PCDH11Y: variants seen among roughly 807,000 people sequenced by gnomAD.
PCDH11Y encodes protocadherin 11 Y-linked, also known as protocadherin-11 Y-linked.
For missense variants in PCDH11Y, 12 were observed against 224.8 expected, an observed-to-expected ratio of 0.05 and a Z score of 6.05; for synonymous variants, 9 against 83.6, an observed-to-expected ratio of 0.11 and a Z score of 4.87.
intron 4 of PCDH11Y, among the ~76,000 whole-genome samples, chrY:5,645,308 C>T (rs2053526461): frequency 3.0e-5 from 1 of 32,826 alleles, no homozygotes; most frequent in Admixed American, 2.8e-4. Flanking sequence ...TAATTCATCA[C>T]GGGAGATGTA....
chrY:5,090,390 C>T, intron 1 of PCDH11Y, among the ~76,000 whole-genome samples: 2 of 32,908 alleles, frequency 6.1e-5, no homozygotes, highest in Non-Finnish European at 1.5e-4. Flanking sequence ...AGAATAGTAA[C>T]GGTGAATTTT....
chrY:5,025,273 G>A (rs1602839270), intron 1 of PCDH11Y, among the ~76,000 whole-genome samples: 3 of 33,292 alleles, frequency 9.0e-5, no homozygotes, highest in Admixed American at 2.8e-4. Flanking sequence ...TGTCAGCATA[G>A]TAATTTGCAG....
intron 2 of PCDH11Y, among the ~76,000 whole-genome samples, chrY:5,124,139 G>A: frequency 3.0e-5 from 1 of 33,263 alleles, no homozygotes; most frequent in African/African-American, 1.2e-4. Flanking sequence ...CATATTTTTG[G>A]AGCAATGTTT....
intron 3 of PCDH11Y, among the ~76,000 whole-genome samples, chrY:5,036,348 T>C: frequency 3.2e-5 from 1 of 31,263 alleles, no homozygotes; most frequent in Admixed American, 3.0e-4. Context: ...GATATACAAA[T>C]ACCTTTGTTT....
At chrY:5,550,475 G>A in intron 3 of PCDH11Y, among the ~76,000 whole-genome samples, 1 of 33,194 alleles carries the variant, frequency 3.0e-5, no homozygotes, top group Non-Finnish European at 7.5e-5. Flanking sequence ...TTCTAGAGAT[G>A]TTGGTAAAAT....
chrY:5,560,666 G>A, intron 3 of PCDH11Y, among the ~76,000 whole-genome samples: 1 of 33,033 alleles, frequency 3.0e-5, no homozygotes, highest in East Asian at 8.3e-4. Flanking sequence ...TGTTGGGCCT[G>A]TGGGTGCATG....
At chrY:5,575,844 G>A in intron 3 of PCDH11Y, among the ~76,000 whole-genome samples, 2 of 32,519 alleles carry the variant, frequency 6.2e-5, no homozygotes, top group African/African-American at 2.4e-4. Flanking sequence ...AAAGGAACAC[G>A]CTTTACAAAT....
intron 2 of PCDH11Y, among the ~76,000 whole-genome samples, chrY:5,234,481 A>G (rs2052972608): frequency 3.2e-5 from 1 of 30,998 alleles, no homozygotes; most frequent in Non-Finnish European, 7.7e-5. Context: ...CCTGACCTCA[A>G]ATGATCTGCC....
chrY:5,586,518 T>G, intron 4 of PCDH11Y, among the ~76,000 whole-genome samples: 4 of 31,710 alleles, frequency 1.3e-4, no homozygotes, highest in African/African-American at 4.9e-4. Context: ...TTTTTTTGTT[T>G]GTTTTTTTTT....
Position 5,339,477 on chromosome Y carries a change from C to T in PCDH11Y, c.3130-161580C>T, listed in dbSNP as rs2124668613. On this transcript the variant is annotated intron_variant, in intron 2 of 4. Coordinates refer to the PCDH11Y transcript ENST00000400457. ...AGCGATTCTCCTGTCTCAGCCTCCCCGAGTAGCTGGGATTACAGGCCCCCG... is the reference window on the plus strand; with the variant it reads ...AGCGATTCTCCTGTCTCAGCCTCCCTGAGTAGCTGGGATTACAGGCCCCCG... 1.9e-4 allele frequency among the ~76,000 whole-genome samples: 6 copies of T among 32,217 alleles called. No individual in the cohort carries two copies. The East Asian group carries it at 3.2e-3, about 17-fold the overall frequency. The allele number at this position is 32,217 out of a possible 37,273, so 86.4% of individuals were successfully genotyped here. A position where few individuals can be genotyped will look rare whatever the true frequency, so the allele number is the denominator to read the frequency against.
intron 4 of PCDH11Y, among the ~76,000 whole-genome samples, chrY:5,666,222 A>G (rs2053544637): frequency 3.0e-5 from 1 of 33,156 alleles, no homozygotes; most frequent in Non-Finnish European, 7.4e-5. Flanking sequence ...GAGCACTAAG[A>G]TCATTCACTG....
upstream of PCDH11Y, among the ~76,000 whole-genome samples, chrY:5,055,899 C>G (rs2124627766): frequency 3.3e-5 from 1 of 30,702 alleles, no homozygotes; most frequent in African/African-American, 1.2e-4. Flanking sequence ...CCTTCTCAAG[C>G]TGTTCCTTGA....
intron 4 of PCDH11Y, among the ~76,000 whole-genome samples, chrY:5,678,367 C>G: frequency 3.2e-5 from 1 of 31,576 alleles, no homozygotes; most frequent in South Asian, 7.1e-4. Context: ...AAAGTGATGT[C>G]AAAAAAATCT....
intron 3 of PCDH11Y, among the ~76,000 whole-genome samples, chrY:5,522,571 T>C (rs2124690445): frequency 3.5e-4 from 12 of 33,904 alleles, no homozygotes; most frequent in Admixed American, 1.6e-3. Flanking sequence ...GTTGTCATAG[T>C]TCAGCAGAGG....
intron 2 of PCDH11Y, among the ~76,000 whole-genome samples, chrY:5,128,115 A>G: frequency 3.0e-5 from 1 of 32,873 alleles, no homozygotes; most frequent in African/African-American, 1.2e-4. Context: ...ATGGCTTTCT[A>G]TGTACATATA....
intron 3 of PCDH11Y, among the ~76,000 whole-genome samples, chrY:5,513,061 C>T: frequency 6.2e-5 from 2 of 32,218 alleles, no homozygotes; most frequent in Admixed American, 5.8e-4. Flanking sequence ...AACGGAGTCT[C>T]GTTCTGTTGC....
chrY:5,673,633 A>G (rs2124708720), intron 4 of PCDH11Y, among the ~76,000 whole-genome samples: 1 of 31,427 alleles, frequency 3.2e-5, no homozygotes, highest in Admixed American at 3.0e-4. Flanking sequence ...GGTACAGGGT[A>G]GGGGTATTTA....
chrY:5,677,817 A>G, intron 4 of PCDH11Y, among the ~76,000 whole-genome samples: 1 of 32,581 alleles, frequency 3.1e-5, no homozygotes. Flanking sequence ...ATTCTTTGTA[A>G]AGTATCATAA....
chrY:5,200,736 G>A (rs2052925903), intron 2 of PCDH11Y, among the ~76,000 whole-genome samples: 1 of 32,616 alleles, frequency 3.1e-5, no homozygotes, highest in South Asian at 6.9e-4. Flanking sequence ...ACAGGCATGC[G>A]CCACCACACC....
Sources: allele counts gnomAD v4.1 joint callset (sites outside exome capture counted in the v4.1 genomes callset), GRCh38; gene constraint gnomAD v4.1.1; transcripts MANE v1.5; gene names NCBI Gene and HGNC (gene_info 2026-07-23, HGNC 2026-07-21).